Variants in CNOT3 observed in about 807,000 individuals in gnomAD.
CNOT3 encodes the protein CCR4-associated factor 3.
CNOT3 carries 2 observed loss-of-function variants against 89.4 expected under a neutral mutation model. The observed-to-expected ratio is 0.02, with a 90% confidence interval of 0.01 to 0.07. The LOEUF is 0.07. Among genes scored for constraint, CNOT3 ranks in the 10% least tolerant of loss-of-function variants. CNOT3 has a pLI of 1.00. For synonymous variants in CNOT3, 486 were observed against 402.0 expected, an observed-to-expected ratio of 1.21 and a Z score of -2.50; for missense variants, 664 against 1,010.2, an observed-to-expected ratio of 0.66 and a Z score of 4.65.
rs778535970 is a variant in CNOT3 at position 54,153,220 on chromosome 19, G to A, written c.2037+221G>A. On this transcript the variant is annotated intron_variant, in intron 16 of 17. Coordinates refer to ENST00000221232, the MANE Select transcript of CNOT3 (RefSeq NM_014516.4). ...AACTGCTTGGGTTGACAGCGAGGCT[G>A]GTCCACTGAGGCACACCTCAGCCCC... 1.3e-5 allele frequency: 10 copies of A among 763,778 alleles called. No individual in the cohort carries two copies. In the South Asian group the frequency reaches 1.3e-4, roughly 10 times the overall value. The allele number at this position is 763,778 out of a possible 1,614,324, so 47.3% of individuals were successfully genotyped here.
chr19:54,139,131 C>G (rs1353170190), intron 1 of CNOT3, among the ~76,000 whole-genome samples: 3 of 152,178 alleles, frequency 2.0e-5, no homozygotes, highest in Non-Finnish European at 2.9e-5. Flanking sequence ...CTGAGCAGTC[C>G]CTGCCTCTCA....
intron 1 of CNOT3, among the ~76,000 whole-genome samples, chr19:54,138,602 C>T (rs1330643071): frequency 6.6e-6 from 1 of 152,192 alleles, no homozygotes; most frequent in African/African-American, 2.4e-5. Context: ...TCACTGCTCC[C>T]GGGAGCGCAG....
Position 54,146,672 on chromosome 19 carries a change from G to T in CNOT3, c.894+15G>T. Reference sequence around the variant, plus strand: ...AAGTCAGCCAGGTGGGTGTGAGCCTGGACCGGGTGGGCACGCCATTCACTC... The same window carrying T: ...AAGTCAGCCAGGTGGGTGTGAGCCTTGACCGGGTGGGCACGCCATTCACTC... On this transcript the variant is annotated intron_variant, in intron 10 of 17. Coordinates refer to ENST00000221232, the MANE Select transcript of CNOT3 (RefSeq NM_014516.4). 7.0e-7 allele frequency: 1 copy of T among 1,427,792 alleles called. No homozygotes were observed. Among genetic ancestry groups the T allele is most frequent in the Non-Finnish European group, 9.9e-7 (1 of 1,009,874 alleles). 88.4% of individuals were successfully genotyped at this position (1,427,792 alleles called of 1,614,324 possible). A position where few individuals can be genotyped will look rare whatever the true frequency, so the allele number is the denominator to read the frequency against.
At chr19:54,154,765 C>T (rs1375613717) in intron 17 of CNOT3, 1 of 153,598 alleles carries the variant, frequency 6.5e-6, no homozygotes, top group Non-Finnish European at 1.4e-5. Context: ...CACAGACTTC[C>T]TGTCCTTTCC....
At position 54,144,188 on chromosome 19, in the gene CNOT3, G is replaced by A. The variant is rs371409898; in HGVS notation, c.388-49G>A. On this transcript the variant is annotated intron_variant, in intron 6 of 17. Coordinates refer to ENST00000221232, the MANE Select transcript of CNOT3 (RefSeq NM_014516.4). The surrounding 1 kb of genome is among the most constrained non-coding windows in gnomAD (Gnocchi z 4.8). Reference sequence around the variant, plus strand: ...ACTCTGAGGATCCTGAGCCCTGGGTGTAGGCGGAACCCTAGCTGATGGGCT... The same window carrying A: ...ACTCTGAGGATCCTGAGCCCTGGGTATAGGCGGAACCCTAGCTGATGGGCT... The A allele has an allele frequency of 4.7e-5, 76 of 1,612,930 alleles. No homozygotes were observed. In the East Asian group the frequency reaches 1.2e-3, roughly 25 times the overall value.
chr19:54,139,337 CTG>C lies in CNOT3; in HGVS notation c.-51+1347_-51+1348del, dbSNP rs587684420. On this transcript the variant is annotated intron_variant, in intron 1 of 17. Coordinates refer to ENST00000221232, the MANE Select transcript of CNOT3 (RefSeq NM_014516.4). ...CTTGATATTTGCATCAGATCCCACA[CTG>C]TGGGTTTGTTGACTTCCCATCTACC... 2.7e-3 allele frequency among the ~76,000 whole-genome samples: 416 copies of C among 152,284 alleles called. 3 individuals carry two copies. The highest frequency in any genetic ancestry group is 9.6e-3 in the African/African-American group (400 of 41,548).
At chr19:54,141,676 C>T (rs144231972) in intron 1 of CNOT3, 21 of 152,334 alleles carry the variant, frequency 1.4e-4, no homozygotes, top group Non-Finnish European at 2.5e-4. Context: ...TGTGACTTCC[C>T]TCTGTATTGA....
At chr19:54,149,047 T>A (rs1337568606) in intron 12 of CNOT3, among the ~76,000 whole-genome samples, 2 of 152,242 alleles carry the variant, frequency 1.3e-5, no homozygotes, top group African/African-American at 4.8e-5. Context: ...GCCAATTGAC[T>A]GCCACCGGAG....
At position 54,155,649 on chromosome 19, in the gene CNOT3, G is replaced by T; in HGVS notation, c.*242G>T. On this transcript the variant is annotated 3_prime_UTR_variant, in exon 18 of 18. Transcript: ENST00000221232. ...TTTTTGGTAAACCTATTTTCATTTT[G>T]GAAAATATTTATGAATAAATAGTTT... 1 of 1,389,932 alleles carries T rather than the reference G, an allele frequency of 7.2e-7. No individual in the cohort carries two copies. The highest frequency in any genetic ancestry group is 9.8e-7 in the Non-Finnish European group (1 of 1,023,476). 86.1% of individuals were successfully genotyped at this position (1,389,932 alleles called of 1,614,324 possible).
At chr19:54,142,622 T>C in intron 1 of CNOT3, 1 of 460,000 alleles carries the variant, frequency 2.2e-6, no homozygotes. Flanking sequence ...CTGAAAAACC[T>C]TTTTGAGTGT....
chr19:54,149,528 T>C, intron 12 of CNOT3, 32 bp from the exon 13 acceptor site: 8 of 1,457,480 alleles, frequency 5.5e-6, no homozygotes, highest in Non-Finnish European at 7.4e-6. Flanking sequence ...GGGACCCTCC[T>C]CTCAACCCCC....
rs2074634897 is a variant in CNOT3 at position 54,145,646 on chromosome 19, T to C, written c.532T>C (p.Tyr178His). ...GLKRHIEKHR[Y>H]HVRMLETILR... ...GAAGCGGCACATCGAGAAGCACCGC[T>C]ACCACGTGCGCATGCTAGAGACCAT... The change falls in exon 8 of 18, where the codon TAC (tyrosine) becomes CAC (histidine). Residue 178 changes from tyrosine to histidine, a missense_variant. Transcript: ENST00000221232. The surrounding 1 kb of genome is among the most constrained non-coding windows in gnomAD (Gnocchi z 5.9). 6.2e-7 allele frequency: 1 copy of C among 1,613,808 alleles called. No homozygotes were observed. The highest frequency in any genetic ancestry group is 8.5e-7 in the Non-Finnish European group (1 of 1,179,896).
At position 54,152,457 on chromosome 19, in the gene CNOT3, C is replaced by T; in HGVS notation, c.1735C>T (p.Pro579Ser). The T allele has an allele frequency of 6.2e-7, 1 of 1,614,204 alleles. No individual in the cohort carries two copies. Among genetic ancestry groups the T allele is most frequent in the African/African-American group, 1.3e-5 (1 of 75,058 alleles). ...DIILSSTSAP[P>S]ASAQPPLQLS... ...CATCCTGAGCAGTACATCAGCACCT[C>T]CGGCCTCAGCCCAGCCGCCCCTGCA... Residue 579 changes from proline to serine, a missense_variant, in exon 15 of 18, where the codon CCG becomes TCG. Physicochemically the swap from Pro to Ser is moderately conservative, Grantham distance 74 (BLOSUM62 -1). Around this residue, in one of 8 missense-constraint regions of CNOT3, gnomAD observed 545 missense variants for 566.2 expected, o/e 0.96. Coordinates refer to ENST00000221232, the MANE Select transcript of CNOT3 (RefSeq NM_014516.4).
At chr19:54,150,700 G>A (rs78421542) in intron 13 of CNOT3, among the ~76,000 whole-genome samples, 6,460 of 152,168 alleles carry the variant, frequency 0.042, 248 homozygotes, top group African/African-American at 0.1. Flanking sequence ...CAATAGTCAC[G>A]ATTATACCTA....
In CNOT3 at chr19:54,155,604, C is replaced by T. The variant is rs2075362090; in HGVS notation, c.*197C>T. On this transcript the variant is annotated 3_prime_UTR_variant, in exon 18 of 18. Transcript: ENST00000221232. ...CGGGGGCGAGGGCTGCCCCCTCCTCCCCTCCCCAGTGAGGGACATTTTTTG... is the reference window on the plus strand; with the variant it reads ...CGGGGGCGAGGGCTGCCCCCTCCTCTCCTCCCCAGTGAGGGACATTTTTTG... 1.7e-6 allele frequency: 2 copies of T among 1,161,796 alleles called. No individual in the cohort carries two copies. Among genetic ancestry groups the T allele is most frequent in the Non-Finnish European group, 2.4e-6 (2 of 827,312 alleles). 72.0% of individuals were successfully genotyped at this position (1,161,796 alleles called of 1,614,324 possible).
At chr19:54,140,475 C>T (rs1205903768) in intron 1 of CNOT3, among the ~76,000 whole-genome samples, 1 of 152,174 alleles carries the variant, frequency 6.6e-6, no homozygotes, top group African/African-American at 2.4e-5. Context: ...GCTCTTTCTT[C>T]TCTGGCGGCG....
chr19:54,146,552 C>A lies in CNOT3; in HGVS notation c.838-49C>A, dbSNP rs1483251404. ...CATTCAGAGATTGGCGGTTCTCCAT[C>A]AGAGCCCCAGAGGTCACACAGGTTT... is the stretch of plus-strand genomic sequence containing the variant. On this transcript the variant is annotated intron_variant, in intron 9 of 17. Transcript: ENST00000221232. 3 of 918,656 alleles carry A rather than the reference C, an allele frequency of 3.3e-6. No individual in the cohort carries two copies. The African/African-American group carries it at 4.9e-5, about 15-fold the overall frequency. The allele number at this position is 918,656 out of a possible 1,614,324, so 56.9% of individuals were successfully genotyped here.
chr19:54,155,538 G>T lies in CNOT3; in HGVS notation c.*131G>T. The T allele has an allele frequency of 1.1e-6, 1 of 911,262 alleles. No homozygotes were observed. The highest frequency in any genetic ancestry group is 1.7e-5 in the South Asian group (1 of 58,368). 56.4% of individuals were successfully genotyped at this position (911,262 alleles called of 1,614,324 possible). On this transcript the variant is annotated 3_prime_UTR_variant, in exon 18 of 18. Transcript: ENST00000221232. The stretch of plus-strand genomic sequence containing the variant: ...ATCCCCCTCTCCCAGGAAGCAGGGA[G>T]GGGGCCGGGAGGTTTTCCTCTCAGC...
Position 54,149,677 on chromosome 19 carries a change from A to C in CNOT3, c.1524A>C (p.Pro508=). ...VPLPVNPPSS[P]TPSFSDAKAA... ...TGCCTGTGAATCCTCCCAGCTCCCCAACGCCCAGCTTCAGTGATGCCAAGG... is the reference window on the plus strand; with the variant it reads ...TGCCTGTGAATCCTCCCAGCTCCCCCACGCCCAGCTTCAGTGATGCCAAGG... The change falls in exon 13 of 18, where the codon CCA becomes CCC. Residue 508 remains proline (P), a synonymous_variant. Coordinates refer to ENST00000221232, the MANE Select transcript of CNOT3 (RefSeq NM_014516.4). The C allele has an allele frequency of 1.2e-6, 2 of 1,614,010 alleles. No individual in the cohort carries two copies. Among genetic ancestry groups the C allele is most frequent in the Non-Finnish European group, 1.7e-6 (2 of 1,179,948 alleles).
Sources: gnomAD v4.1 joint callset for allele counts (sites outside exome capture counted in the v4.1 genomes callset) on GRCh38, gnomAD v4.1.1 for gene constraint, gnomAD v4.1.1 regional missense constraint, Gnocchi (gnomAD v3.1) non-coding constraint, MANE v1.5 for transcripts, NCBI Gene and HGNC (gene_info 2026-07-23, HGNC 2026-07-21) for gene names.